NRXN3: variants seen among roughly 807,000 people sequenced by gnomAD.
NRXN3 encodes the protein neurexin III.
NRXN3 carries 32 observed loss-of-function variants against 137.6 expected under a neutral mutation model. That is an observed-to-expected ratio of 0.23 (90% CI 0.18 to 0.31). The LOEUF (loss-of-function observed/expected upper bound fraction) is 0.31, where lower values mean the gene tolerates loss of function less well. NRXN3 is among the 10% of genes least tolerant of loss of function. NRXN3 has a pLI of 1.00. For missense variants in NRXN3, 1,574 were observed against 2,062.5 expected (o/e 0.76, Z 4.59); for synonymous variants, 798 against 784.5 (o/e 1.02, Z -0.29).
intron 20 of NRXN3, among the ~76,000 whole-genome samples, chr14:79,839,529 T>C (rs2099351367): frequency 6.6e-6 from 1 of 152,196 alleles, no homozygotes; most frequent in South Asian, 2.1e-4. Flanking sequence ...CAGTTCCTTG[T>C]GTATTCTGGT....
chr14:78,491,167 C>T (rs567677734), intron 4 of NRXN3, among the ~76,000 whole-genome samples: 3 of 152,166 alleles, frequency 2.0e-5, no homozygotes, highest in Admixed American at 6.5e-5. Context: ...GGTAGGATGG[C>T]GTGAGCTGGT....
intron 4 of NRXN3, among the ~76,000 whole-genome samples, chr14:78,576,778 G>C (rs1298770135): frequency 6.6e-6 from 1 of 152,196 alleles, no homozygotes; most frequent in African/African-American, 2.4e-5. Flanking sequence ...GCAAAGGGAA[G>C]GGTGAAAACT....
intron 10 of NRXN3, among the ~76,000 whole-genome samples, chr14:78,853,069 G>T (rs973043780): frequency 2.0e-5 from 3 of 151,662 alleles, no homozygotes; most frequent in South Asian, 2.1e-4. Flanking sequence ...GTATCATACG[G>T]TTTTTTTTAC....
chr14:79,087,660 C>T (rs1273389539), intron 15 of NRXN3, among the ~76,000 whole-genome samples: 3 of 152,152 alleles, frequency 2.0e-5, no homozygotes, highest in African/African-American at 7.2e-5. Flanking sequence ...AAATATATAA[C>T]TCTCCATTTT....
intron 15 of NRXN3, among the ~76,000 whole-genome samples, chr14:79,009,690 G>A (rs72685475): frequency 0.085 from 12,961 of 152,122 alleles, 701 homozygotes; most frequent in Non-Finnish European, 0.12. Context: ...ATTGAAACCC[G>A]TCTTATAAAC....
chr14:79,780,160 G>GA (rs565427111), intron 19 of NRXN3, among the ~76,000 whole-genome samples: 99 of 145,348 alleles, frequency 6.8e-4, no homozygotes, highest in Middle Eastern at 7.1e-3. Flanking sequence ...GGCCTTTGGG[G>GA]AAAAAAAAAA....
At chr14:78,464,231 T>C (rs1466684343) in intron 4 of NRXN3, among the ~76,000 whole-genome samples, 1 of 152,066 alleles carries the variant, frequency 6.6e-6, no homozygotes, top group African/African-American at 2.4e-5. Context: ...TTTTTTTGTA[T>C]TTTTAGTAGA....
chr14:79,344,459 C>G (rs1432023629), intron 15 of NRXN3, among the ~76,000 whole-genome samples: 1 of 152,178 alleles, frequency 6.6e-6, no homozygotes. Context: ...ACTTTTCAAA[C>G]ACTATTAAAT....
At position 78,573,567 on chromosome 14, in the gene NRXN3, T is replaced by C. The variant is rs568347647; in HGVS notation, c.758-71553T>C. 5.3e-5 allele frequency among the ~76,000 whole-genome samples: 8 copies of C among 152,336 alleles called. No homozygotes were observed. The East Asian group carries it at 1.5e-3, about 29-fold the overall frequency. ...ATTTCACCCCTGCCCTAGACATCTATGGAACTTTGAACTTGAGAGAGATGA... is the reference window on the plus strand; with the variant it reads ...ATTTCACCCCTGCCCTAGACATCTACGGAACTTTGAACTTGAGAGAGATGA... On this transcript the variant is annotated intron_variant, in intron 4 of 20. Transcript: ENST00000335750.
chr14:79,240,186 A>T (rs573045348), intron 15 of NRXN3, among the ~76,000 whole-genome samples: 1 of 152,270 alleles, frequency 6.6e-6, no homozygotes, highest in South Asian at 2.1e-4. Flanking sequence ...AGTATGCCCA[A>T]AAATAATCTC....
chr14:79,159,126 A>G (rs1162151440), intron 15 of NRXN3, among the ~76,000 whole-genome samples: 3 of 151,890 alleles, frequency 2.0e-5, no homozygotes, highest in Non-Finnish European at 4.4e-5. Context: ...CATAAAGTCA[A>G]TGAGCAAAAT....
At chr14:78,841,550 T>C (rs2099012531) in intron 10 of NRXN3, among the ~76,000 whole-genome samples, 1 of 152,130 alleles carries the variant, frequency 6.6e-6, no homozygotes, top group African/African-American at 2.4e-5. Flanking sequence ...AATTCACTTA[T>C]GATGATGTTT....
chr14:78,923,529 T>A (rs987165806), intron 10 of NRXN3, among the ~76,000 whole-genome samples: 1 of 152,216 alleles, frequency 6.6e-6, no homozygotes, highest in African/African-American at 2.4e-5. Flanking sequence ...TGATGTGCTA[T>A]TTTGTATATT....
chr14:78,506,272 C>T (rs559549332), intron 4 of NRXN3, among the ~76,000 whole-genome samples: 1 of 152,226 alleles, frequency 6.6e-6, no homozygotes, highest in Non-Finnish European at 1.5e-5. Flanking sequence ...CAGTTTCATT[C>T]GTGTTGCAAA....
chr14:79,592,845 G>A (rs181856545), intron 16 of NRXN3, among the ~76,000 whole-genome samples: 2 of 152,274 alleles, frequency 1.3e-5, no homozygotes, highest in East Asian at 3.9e-4. Context: ...GTGAGATGAG[G>A]CAAGAAGTTG....
At chr14:79,307,431 T>A (rs531136883) in intron 15 of NRXN3, among the ~76,000 whole-genome samples, 1 of 152,138 alleles carries the variant, frequency 6.6e-6, no homozygotes, top group South Asian at 2.1e-4. Context: ...GTATTGGTAA[T>A]CTATTGTTTC....
chr14:78,457,051 A>G (rs1312185951), intron 4 of NRXN3, among the ~76,000 whole-genome samples: 2 of 16,260 alleles, frequency 1.2e-4, no homozygotes, highest in Non-Finnish European at 2.8e-4. Flanking sequence ...CTCCCCCGCC[A>G]CCTCCTCTTT....
intron 10 of NRXN3, among the ~76,000 whole-genome samples, chr14:78,875,044 T>TG (rs2099110742): frequency 6.6e-6 from 1 of 152,092 alleles, no homozygotes; most frequent in Non-Finnish European, 1.5e-5. Flanking sequence ...TTGGAGGAAA[T>TG]GTGAAGAGGG....
chr14:78,843,935 T>C (rs1052984590), intron 10 of NRXN3, among the ~76,000 whole-genome samples: 8 of 152,040 alleles, frequency 5.3e-5, no homozygotes, highest in Non-Finnish European at 8.8e-5. Flanking sequence ...ACAGAAAGGG[T>C]GTCTGAAGAC....
Sources: allele counts gnomAD v4.1 joint callset (sites outside exome capture counted in the v4.1 genomes callset), GRCh38; gene constraint gnomAD v4.1.1; transcripts MANE v1.5; gene names NCBI Gene and HGNC (gene_info 2026-07-23, HGNC 2026-07-21).